The following AGO2 variants were observed in gnomAD, a reference collection of about 807,000 sequenced individuals.
The protein encoded by AGO2 is argonaute RISC catalytic component 2, also known as protein argonaute-2.
AGO2 carries 5 observed loss-of-function variants against 102.3 expected under a neutral mutation model. The ratio of observed to expected loss-of-function variants is 0.05; its 90% confidence interval spans 0.03 to 0.10. AGO2 has a LOEUF of 0.10. AGO2 is among the 10% of genes least tolerant of loss of function. AGO2 has a pLI of 1.00. For missense variants in AGO2, 541 were observed against 1,183.7 expected (o/e 0.46, Z 7.97); for synonymous variants, 449 against 473.1 (o/e 0.95, Z 0.66).
intron 1 of AGO2, 136 bp downstream of exon 1, chr8:140,635,349 C>G: frequency 9.3e-6 from 5 of 540,336 alleles, no homozygotes; most frequent in Non-Finnish European, 1.2e-5. Flanking sequence ...GCGGCCCCGG[C>G]TCGCCCGCCC....
intron 1 of AGO2, among the ~76,000 whole-genome samples, chr8:140,590,507 C>T (rs987687778): frequency 6.6e-6 from 1 of 152,234 alleles, no homozygotes; most frequent in Non-Finnish European, 1.5e-5. Flanking sequence ...TCCCAGGTTT[C>T]TGGCCACAAA....
intron 10 of AGO2, among the ~76,000 whole-genome samples, chr8:140,552,898 A>C (rs1342774805): frequency 6.6e-6 from 1 of 152,090 alleles, no homozygotes; most frequent in African/African-American, 2.4e-5. Context: ...GACAATAAAA[A>C]ATGTCTCCAG....
intron 1 of AGO2, among the ~76,000 whole-genome samples, chr8:140,600,102 C>T (rs1429272668): frequency 6.6e-6 from 1 of 152,250 alleles, no homozygotes; most frequent in East Asian, 1.9e-4. Flanking sequence ...GACGCCTTGG[C>T]AGGCACACTG....
intron 1 of AGO2, among the ~76,000 whole-genome samples, chr8:140,628,702 C>G (rs1361408356): frequency 6.6e-6 from 1 of 151,916 alleles, no homozygotes; most frequent in African/African-American, 2.4e-5. Flanking sequence ...GAAGTCAGGG[C>G]TGCAGTGAGC....
chr8:140,613,174 T>C (rs542353543), intron 1 of AGO2, among the ~76,000 whole-genome samples: 160 of 152,234 alleles, frequency 1.1e-3, no homozygotes, highest in African/African-American at 3.7e-3. Flanking sequence ...CACTCCAGCC[T>C]GGGCGACAGA....
chr8:140,578,621 G>A (rs923414863), intron 2 of AGO2, among the ~76,000 whole-genome samples: 1 of 152,254 alleles, frequency 6.6e-6, no homozygotes, highest in Non-Finnish European at 1.5e-5. Context: ...CAAAAAAGAT[G>A]ACAGCCCAGG....
chr8:140,615,815 G>A (rs2074135546), intron 1 of AGO2, among the ~76,000 whole-genome samples: 1 of 152,244 alleles, frequency 6.6e-6, no homozygotes, highest in South Asian at 2.1e-4. Context: ...TTGAGTTGGA[G>A]CACTCATGTG....
rs997062268 is a variant in AGO2, at chr8:140,597,482, C to A, written c.23-12171G>T. ...GGCTGGGTGGCCCCCCCACCCCCCC[C>A]CCCCCGCCCCAGGCCTCCCTGCCTG... On this transcript the variant is annotated intron_variant, in intron 1 of 18. Transcript: ENST00000220592. Among the ~76,000 whole-genome samples the A allele has an allele frequency of 1.3e-4, 18 of 142,026 alleles. 1 individual carries two copies. Among genetic ancestry groups the A allele is most frequent in the East Asian group, 2.1e-4 (1 of 4,704 alleles). The allele number at this position is 142,026 out of a possible 152,430, so 93.2% of individuals were successfully genotyped here.
At chr8:140,628,833 C>G (rs2074306718) in intron 1 of AGO2, among the ~76,000 whole-genome samples, 1 of 152,204 alleles carries the variant, frequency 6.6e-6, no homozygotes, top group Admixed American at 6.5e-5. Flanking sequence ...CACCTGTAAT[C>G]CCAGCACTTT....
At chr8:140,533,732 G>A (rs1006583110) in intron 17 of AGO2, among the ~76,000 whole-genome samples, 1 of 151,908 alleles carries the variant, frequency 6.6e-6, no homozygotes, top group Non-Finnish European at 1.5e-5. Context: ...GCTGGAACCC[G>A]GGAGGCAGAG....
intron 10 of AGO2, among the ~76,000 whole-genome samples, chr8:140,552,961 G>T (rs939453180): frequency 6.6e-6 from 1 of 152,194 alleles, no homozygotes; most frequent in African/African-American, 2.4e-5. Flanking sequence ...GAGAACTCCT[G>T]CTGTACACAT....
rs557614927 is a variant in AGO2, at chr8:140,520,372, G to A, written c.*11672C>T. On this transcript the variant is annotated 3_prime_UTR_variant, in exon 19 of 19. Coordinates refer to ENST00000220592, the MANE Select transcript of AGO2 (RefSeq NM_012154.5). Reference sequence around the variant, plus strand: ...ATACACACAGTAAGAAACAAAACAAGTAACTGTTAGGTTTTCCATGAATTT... The same window carrying A: ...ATACACACAGTAAGAAACAAAACAAATAACTGTTAGGTTTTCCATGAATTT... 6.6e-6 allele frequency: 1 copy of A among 152,324 alleles called. No individual in the cohort carries two copies. Among genetic ancestry groups the A allele is most frequent in the East Asian group, 1.9e-4 (1 of 5,190 alleles). The allele number at this position is 152,324 out of a possible 1,614,324, so 9.4% of individuals were successfully genotyped here. A position where few individuals can be genotyped will look rare whatever the true frequency, so the allele number is the denominator to read the frequency against.
At chr8:140,609,563 G>A (rs1344014754) in intron 1 of AGO2, among the ~76,000 whole-genome samples, 1 of 152,206 alleles carries the variant, frequency 6.6e-6, no homozygotes, top group East Asian at 1.9e-4. Context: ...TCAGGAATCT[G>A]CCATCTCAAT....
chr8:140,585,875 T>G (rs1158036001), intron 1 of AGO2, among the ~76,000 whole-genome samples: 1 of 152,228 alleles, frequency 6.6e-6, no homozygotes, highest in Non-Finnish European at 1.5e-5. Flanking sequence ...CAATCCCTAT[T>G]GACATTCACT....
At chr8:140,581,383 G>A (rs1393927444) in intron 2 of AGO2, among the ~76,000 whole-genome samples, 9 of 152,186 alleles carry the variant, frequency 5.9e-5, no homozygotes, top group Non-Finnish European at 1.0e-4. Context: ...GTGTGGTGGC[G>A]CATGCCTGCA....
intron 16 of AGO2, among the ~76,000 whole-genome samples, chr8:140,538,233 G>A (rs976954919): frequency 1.3e-5 from 2 of 152,130 alleles, no homozygotes; most frequent in Non-Finnish European, 2.9e-5. Flanking sequence ...TTGCACAGCC[G>A]TGCCTGTAGG....
intron 13 of AGO2, among the ~76,000 whole-genome samples, chr8:140,546,570 C>T (rs1023817164): frequency 1.3e-5 from 2 of 152,238 alleles, no homozygotes; most frequent in African/African-American, 4.8e-5. Context: ...AACTCTGTGA[C>T]GGCGTGCCAG....
At chr8:140,628,406 T>G (rs988440444) in intron 1 of AGO2, among the ~76,000 whole-genome samples, 1 of 151,112 alleles carries the variant, frequency 6.6e-6, no homozygotes, top group African/African-American at 2.5e-5. Context: ...TGCGTGTGTG[T>G]GTGTTACATA....
intron 13 of AGO2, 46 bp from the exon 14 acceptor site, chr8:140,544,349 A>G (rs1345496885): frequency 6.6e-7 from 1 of 1,522,150 alleles, no homozygotes; most frequent in Non-Finnish European, 8.9e-7. Context: ...ACACGCCTGG[A>G]CCTCTGACGC....
Sources: allele counts gnomAD v4.1 joint callset (sites outside exome capture counted in the v4.1 genomes callset), GRCh38; gene constraint gnomAD v4.1.1; transcripts MANE v1.5; gene names NCBI Gene and HGNC (gene_info 2026-07-23, HGNC 2026-07-21).